Variants in STXBP5 observed in about 807,000 individuals in gnomAD.
STXBP5 encodes the protein syntaxin-binding protein 5.
STXBP5 carries 50 observed loss-of-function variants against 152.4 expected under a neutral mutation model. The ratio of observed to expected loss-of-function variants is 0.33; its 90% CI spans 0.26 to 0.42. The LOEUF is 0.42. STXBP5 is among the 10% of genes least tolerant of loss of function. The probability of loss-of-function intolerance (pLI) is 1.00; values close to 1 mark genes in which losing one functional copy is unlikely to be tolerated. For missense variants in STXBP5, 1,167 were observed against 1,388.6 expected, an observed-to-expected ratio of 0.84 and a Z score of 2.54; for synonymous variants, 492 against 494.7, an observed-to-expected ratio of 0.99 and a Z score of 0.07.
intron 16 of STXBP5, among the ~76,000 whole-genome samples, chr6:147,323,008 A>T (rs1431853661): frequency 6.6e-6 from 1 of 152,030 alleles, no homozygotes; most frequent in Non-Finnish European, 1.5e-5. Context: ...CTCTACCATC[A>T]TCTCAAACTT....
At chr6:147,247,360 C>T (rs1778859808) in intron 4 of STXBP5, among the ~76,000 whole-genome samples, 2 of 152,106 alleles carry the variant, frequency 1.3e-5, no homozygotes, top group Admixed American at 6.6e-5. Context: ...AAATGATGCC[C>T]AATCCTGTTG....
At chr6:147,339,446 C>A in intron 21 of STXBP5, 62 bp downstream of exon 21, 1 of 1,197,780 alleles carries the variant, frequency 8.3e-7, no homozygotes, top group Non-Finnish European at 1.1e-6. Context: ...TAACCCAACA[C>A]CAGAATTATC....
chr6:147,362,825 T>C (rs111443871), intron 23 of STXBP5, among the ~76,000 whole-genome samples: 1 of 152,244 alleles, frequency 6.6e-6, no homozygotes, highest in Non-Finnish European at 1.5e-5. Flanking sequence ...CATTTTACAT[T>C]GAACTTTTTG....
chr6:147,320,054 G>A (rs994390708), intron 16 of STXBP5, among the ~76,000 whole-genome samples: 4 of 151,714 alleles, frequency 2.6e-5, no homozygotes, highest in African/African-American at 9.7e-5. Flanking sequence ...GTTACCCAGG[G>A]TGGTCTCAAA....
intron 5 of STXBP5, among the ~76,000 whole-genome samples, chr6:147,261,625 A>G (rs993491913): frequency 2.0e-5 from 3 of 151,976 alleles, no homozygotes; most frequent in South Asian, 2.1e-4. Flanking sequence ...GAATATTATC[A>G]TATATCAGTC....
At chr6:147,263,518 C>G (rs548027141) in intron 6 of STXBP5, among the ~76,000 whole-genome samples, 78 of 151,934 alleles carry the variant, frequency 5.1e-4, no homozygotes, top group African/African-American at 1.7e-3. Flanking sequence ...TCTTAGTGTT[C>G]TACTCTTTCA....
chr6:147,372,523 C>T (rs1583009721), intron 25 of STXBP5, among the ~76,000 whole-genome samples: 1 of 142,782 alleles, frequency 7.0e-6, no homozygotes, highest in Non-Finnish European at 1.5e-5. Context: ...CAACTTCCGC[C>T]TCCCGGGTTC....
intron 2 of STXBP5, among the ~76,000 whole-genome samples, chr6:147,215,601 C>G (rs143622991): frequency 5.3e-4 from 80 of 152,186 alleles, no homozygotes; most frequent in African/African-American, 1.9e-3. Flanking sequence ...AGGTTGGTCT[C>G]GAACTCGTGA....
At chr6:147,249,638 T>C (rs1343629140) in intron 4 of STXBP5, among the ~76,000 whole-genome samples, 1 of 151,972 alleles carries the variant, frequency 6.6e-6, no homozygotes, top group Non-Finnish European at 1.5e-5. Flanking sequence ...GAGAGAGAAA[T>C]TGAGTGAAGA....
chr6:147,283,484 A>T (rs1780795181), intron 8 of STXBP5, among the ~76,000 whole-genome samples: 1 of 152,178 alleles, frequency 6.6e-6, no homozygotes, highest in Non-Finnish European at 1.5e-5. Context: ...GAAGGATATG[A>T]TACAGGAGGA....
At chr6:147,304,110 A>G (rs933162266) in intron 9 of STXBP5, among the ~76,000 whole-genome samples, 1 of 152,186 alleles carries the variant, frequency 6.6e-6, no homozygotes. Context: ...TCAACAAGAC[A>G]ATAGGGTAAA....
At chr6:147,216,358 C>T (rs999693084) in intron 2 of STXBP5, among the ~76,000 whole-genome samples, 3 of 152,144 alleles carry the variant, frequency 2.0e-5, no homozygotes, top group Non-Finnish European at 4.4e-5. Flanking sequence ...CGCCACTGCA[C>T]TCCAGCCTGA....
chr6:147,286,706 G>T (rs553087287), intron 8 of STXBP5, among the ~76,000 whole-genome samples: 1 of 151,972 alleles, frequency 6.6e-6, no homozygotes, highest in Non-Finnish European at 1.5e-5. Context: ...CTTTCCAAGC[G>T]TAAAACCAAA....
In STXBP5 at chr6:147,324,073, T is replaced by TA. The variant is rs553933792; in HGVS notation, c.1803-880dup. Among the ~76,000 whole-genome samples the TA allele has an allele frequency of 4.2e-3, 642 of 152,142 alleles. 2 individuals carry two copies. Among genetic ancestry groups the TA allele is most frequent in the Non-Finnish European group, 7.4e-3 (506 of 67,982 alleles). On this transcript the variant is annotated intron_variant, in intron 16 of 27. Coordinates refer to ENST00000321680, the MANE Select transcript of STXBP5 (RefSeq NM_001127715.4). ...TTTTGTAGCATTATCCAGCAATTATTAAAAAAGAGTCTCTGCGAACAAAAA... is the reference window on the plus strand; with the variant it reads ...TTTTGTAGCATTATCCAGCAATTATTAAAAAAAGAGTCTCTGCGAACAAAAA...
At chr6:147,356,107 T>G (rs1348371307) in intron 22 of STXBP5, among the ~76,000 whole-genome samples, 1 of 152,168 alleles carries the variant, frequency 6.6e-6, no homozygotes, top group African/African-American at 2.4e-5. Context: ...AGATAAATTA[T>G]GTAATAAAAA....
intron 2 of STXBP5, among the ~76,000 whole-genome samples, chr6:147,210,246 GA>G (rs1187466816): frequency 6.6e-6 from 1 of 152,172 alleles, no homozygotes; most frequent in Non-Finnish European, 1.5e-5. Context: ...AATTACAAGC[GA>G]AGTGAAAAAC....
Position 147,363,501 on chromosome 6 carries a change from C to T in STXBP5, c.2712C>T (p.Ser904=). The change falls in exon 24 of 28, where the codon TCC becomes TCT. Residue 904 remains serine, a synonymous_variant. Transcript: ENST00000321680. ...GGCGGCCTGTCTCAGTATCCCCCTCCTCTTCTCAGGAAATTAGTGAAAACC... is the reference window on the plus strand; with the variant it reads ...GGCGGCCTGTCTCAGTATCCCCCTCTTCTTCTCAGGAAATTAGTGAAAACC... ...KKRRPVSVSP[S]SSQEISENQY... 1.9e-6 allele frequency: 3 copies of T among 1,614,110 alleles called. No homozygotes were observed. Among genetic ancestry groups the T allele is most frequent in the East Asian group, 2.2e-5 (1 of 44,852 alleles).
At position 147,204,657 on chromosome 6, in the gene STXBP5, A is replaced by C; in HGVS notation, c.125A>C (p.Gln42Pro). ...GAGCCGGAGATCCAGGAAACGCTCC[A>C]GTCCGAGCACTTTCAGCTCTGCAAG... ...NREPEIQETL[Q>P]SEHFQLCKTV... The change falls in exon 1 of 28, where the codon CAG becomes CCG. Residue 42 changes from glutamine to proline, a missense_variant. Coordinates refer to ENST00000321680, the MANE Select transcript of STXBP5 (RefSeq NM_001127715.4). This position sits in a 1 kb window ranked among gnomAD's most constrained non-coding sequence, Gnocchi z 4.3. The C allele has an allele frequency of 6.2e-7, 1 of 1,609,300 alleles. No individual in the cohort carries two copies. The highest frequency in any genetic ancestry group is 8.5e-7 in the Non-Finnish European group (1 of 1,177,396).
chr6:147,331,824 A>AC (rs1246127311), intron 18 of STXBP5, among the ~76,000 whole-genome samples: 14 of 151,626 alleles, frequency 9.2e-5, no homozygotes, highest in South Asian at 6.2e-4. Flanking sequence ...AAAAAAAAAA[A>AC]AAACACACAA....
Sources: allele counts gnomAD v4.1 joint callset (sites outside exome capture counted in the v4.1 genomes callset), GRCh38; gene constraint gnomAD v4.1.1; non-coding constraint Gnocchi (gnomAD v3.1); transcripts MANE v1.5; gene names NCBI Gene and HGNC (gene_info 2026-07-23, HGNC 2026-07-21).